TAB2: variants seen among roughly 807,000 people sequenced by gnomAD.
TAB2 encodes the protein TGF-beta-activated kinase 1 and MAP3K7-binding protein 2.
A neutral mutation model predicts 65.0 loss-of-function variants in TAB2; 3 were observed. The ratio of observed to expected loss-of-function variants is 0.05; its 90% CI spans 0.02 to 0.12. The LOEUF (loss-of-function observed/expected upper bound fraction) is 0.12. Ranked by LOEUF, TAB2 falls within the 10% of genes least tolerant of loss-of-function variation. The pLI is 1.00. For synonymous variants in TAB2, 298 were observed against 285.1 expected, an observed-to-expected ratio of 1.05 and a Z score of -0.46; for missense variants, 623 against 840.3, an observed-to-expected ratio of 0.74 and a Z score of 3.20.
At chr6:149,264,222 G>A (rs899416238) in intron 1 of TAB2, among the ~76,000 whole-genome samples, 1 of 152,166 alleles carries the variant, frequency 6.6e-6, no homozygotes, top group African/African-American at 2.4e-5. Context: ...CCCTTGCTTG[G>A]AGCAGAGACT....
At chr6:149,329,816 T>C (rs1779729808) in intron 1 of TAB2, among the ~76,000 whole-genome samples, 1 of 152,166 alleles carries the variant, frequency 6.6e-6, no homozygotes, top group African/African-American at 2.4e-5. Flanking sequence ...AAAATCTAAT[T>C]TGTATTTTCC....
chr6:149,245,434 A>G (rs1777691478), intron 1 of TAB2: 1 of 152,212 alleles, frequency 6.6e-6, no homozygotes. Context: ...GTTTTATATT[A>G]TAGAATAGGA....
chr6:149,275,133 T>C (rs1404286230), intron 1 of TAB2, among the ~76,000 whole-genome samples: 1 of 121,884 alleles, frequency 8.2e-6, no homozygotes, highest in Non-Finnish European at 1.6e-5. Flanking sequence ...CTGTTTTTTT[T>C]TTTTTTTTTT....
At chr6:149,283,208 G>A (rs1031935133) in intron 1 of TAB2, among the ~76,000 whole-genome samples, 1 of 152,188 alleles carries the variant, frequency 6.6e-6, no homozygotes, top group Non-Finnish European at 1.5e-5. Context: ...CTGAGTGAGT[G>A]TAGAAAGTAG....
At chr6:149,275,842 T>C (rs1280423387) in intron 1 of TAB2, among the ~76,000 whole-genome samples, 1 of 152,144 alleles carries the variant, frequency 6.6e-6, no homozygotes, top group Non-Finnish European at 1.5e-5. Context: ...ATTCCAACAG[T>C]GGGACGTTTC....
intron 1 of TAB2, among the ~76,000 whole-genome samples, chr6:149,308,247 T>C (rs987917426): frequency 2.0e-5 from 3 of 152,174 alleles, no homozygotes; most frequent in Non-Finnish European, 4.4e-5. Context: ...TCAAACAGTT[T>C]GCATATTTAA....
At chr6:149,392,471 TG>T (rs1782022845) in intron 3 of TAB2, among the ~76,000 whole-genome samples, 1 of 152,228 alleles carries the variant, frequency 6.6e-6, no homozygotes, top group African/African-American at 2.4e-5. Flanking sequence ...AGAAGTTGAC[TG>T]TTCGATATAC....
At chr6:149,312,189 T>G (rs485360) in intron 1 of TAB2, among the ~76,000 whole-genome samples, 67,564 of 152,058 alleles carry the variant, frequency 0.44, 15,466 homozygotes, top group African/African-American at 0.57. Context: ...CGGGTGCTTC[T>G]CCCCACAGTG....
chr6:149,376,555 CGTT>C (rs1272978447), intron 2 of TAB2, among the ~76,000 whole-genome samples: 1 of 152,136 alleles, frequency 6.6e-6, no homozygotes, highest in African/African-American at 2.4e-5. Flanking sequence ...TTGTTGTTGT[CGTT>C]GTTGTTGTTC....
intron 2 of TAB2, among the ~76,000 whole-genome samples, chr6:149,372,559 T>C (rs1781265916): frequency 6.6e-6 from 1 of 152,170 alleles, no homozygotes; most frequent in African/African-American, 2.4e-5. Flanking sequence ...TCTAGTAATA[T>C]CACCTTCCCT....
intron 6 of TAB2, among the ~76,000 whole-genome samples, chr6:149,399,538 C>A (rs1412254116): frequency 1.3e-5 from 2 of 151,754 alleles, no homozygotes; most frequent in East Asian, 1.9e-4. Context: ...GTTCCCCCCC[C>A]CCATGAGTAT....
intron 1 of TAB2, among the ~76,000 whole-genome samples, chr6:149,301,593 A>C (rs1778974132): frequency 6.6e-6 from 1 of 152,218 alleles, no homozygotes; most frequent in South Asian, 2.1e-4. Context: ...AACTCAATGA[A>C]TACCAGTTCA....
chr6:149,220,825 CAG>C (rs1777129139), intron 1 of TAB2: 1 of 152,198 alleles, frequency 6.6e-6, no homozygotes, highest in Non-Finnish European at 1.5e-5. Context: ...CTATGTTGCC[CAG>C]GCCAGTCTCA....
At chr6:149,274,770 G>C (rs967882428) in intron 1 of TAB2, among the ~76,000 whole-genome samples, 5 of 152,288 alleles carry the variant, frequency 3.3e-5, no homozygotes, top group African/African-American at 1.2e-4. Flanking sequence ...ATGCCAGAGT[G>C]GGGGCTGCAC....
intron 1 of TAB2, chr6:149,245,406 A>G (rs1007401468): frequency 6.6e-6 from 1 of 152,198 alleles, no homozygotes; most frequent in African/African-American, 2.4e-5. Context: ...TTCTCATATC[A>G]GATAACTTTA....
chr6:149,293,967 T>C (rs1265610708), intron 1 of TAB2, among the ~76,000 whole-genome samples: 2 of 152,060 alleles, frequency 1.3e-5, no homozygotes, highest in Admixed American at 6.6e-5. Context: ...AAAGTTATTT[T>C]CCCTGAAAAA....
intron 3 of TAB2, among the ~76,000 whole-genome samples, chr6:149,394,597 A>G (rs974175282): frequency 4.6e-5 from 7 of 152,170 alleles, no homozygotes; most frequent in Non-Finnish European, 1.0e-4. Flanking sequence ...TCAGGTTATT[A>G]TTATGAGGCA....
Position 149,409,835 on chromosome 6 carries a change from A to G in TAB2, c.*116A>G. ...TTTGTCAAATTGAAGGTGTGACAAG[A>G]TGGTGTTCTGCTAATGTTAAATGTC... On this transcript the variant is annotated 3_prime_UTR_variant, in exon 7 of 7. Coordinates refer to ENST00000637181, the MANE Select transcript of TAB2 (RefSeq NM_001292034.3). 8.5e-7 allele frequency: 1 copy of G among 1,182,290 alleles called. No individual in the cohort carries two copies. The highest frequency in any genetic ancestry group is 1.3e-6 in the Non-Finnish European group (1 of 799,374). The allele number at this position is 1,182,290 out of a possible 1,614,324, so 73.2% of individuals were successfully genotyped here. A position where few individuals can be genotyped will look rare whatever the true frequency, so the allele number is the denominator to read the frequency against.
At chr6:149,391,419 T>C (rs117496111) in intron 3 of TAB2, among the ~76,000 whole-genome samples, 2,079 of 152,260 alleles carry the variant, frequency 0.014, 22 homozygotes, top group Admixed American at 0.023. Context: ...TGATCCCCAC[T>C]ATGGTTTCTC....
Sources: gnomAD v4.1 joint callset for allele counts (sites outside exome capture counted in the v4.1 genomes callset) on GRCh38, gnomAD v4.1.1 for gene constraint, MANE v1.5 for transcripts, NCBI Gene and HGNC (gene_info 2026-07-23, HGNC 2026-07-21) for gene names.